The following ROCK2 variants were observed in gnomAD, a reference collection of about 807,000 sequenced individuals.
ROCK2 encodes rho-associated protein kinase 2.
Under a neutral mutation model 195.1 loss-of-function variants are expected in ROCK2, and 61 were observed. That is an observed-to-expected ratio of 0.31 (90% confidence interval 0.25 to 0.39). The LOEUF is 0.39. ROCK2 is among the 10% of genes least tolerant of loss of function. The pLI, the probability that ROCK2 is intolerant of heterozygous loss-of-function variation, is 1.00. For synonymous variants in ROCK2, 504 were observed against 545.5 expected (o/e 0.92, Z 1.06); for missense variants, 1,109 against 1,637.4 (o/e 0.68, Z 5.57).
In ROCK2 at chr2:11,215,303, C is replaced by T. The variant is rs371986320; in HGVS notation, c.1689+18G>A. 1.2e-4 allele frequency: 184 copies of T among 1,557,324 alleles called. No individual in the cohort carries two copies. Among genetic ancestry groups the T allele is most frequent in the Middle Eastern group, 7.3e-4 (4 of 5,460 alleles). The stretch of plus-strand genomic sequence containing the variant: ...AAAATAAAACCCAGTATCTTTACTA[C>T]AAATTAGATCCACCTACTTGTCTCT... On this transcript the variant is annotated intron_variant, in intron 15 of 32. Transcript: ENST00000315872.
chr2:11,326,027 A>T (rs967314205), intron 1 of ROCK2, among the ~76,000 whole-genome samples: 7 of 152,186 alleles, frequency 4.6e-5, no homozygotes, highest in African/African-American at 1.7e-4. Context: ...GCAGATTTGG[A>T]GCAATAGGGG....
At chr2:11,238,280 A>G (rs1665297111) in intron 4 of ROCK2, among the ~76,000 whole-genome samples, 1 of 138,156 alleles carries the variant, frequency 7.2e-6, no homozygotes, top group Non-Finnish European at 1.5e-5. Context: ...TTAAATGATT[A>G]AAGGAAATAT....
chr2:11,228,770 C>T (rs1011602955), intron 5 of ROCK2, among the ~76,000 whole-genome samples: 3 of 152,080 alleles, frequency 2.0e-5, no homozygotes, highest in Non-Finnish European at 4.4e-5. Context: ...GAGACACACA[C>T]ACAGACAGAC....
intron 1 of ROCK2, among the ~76,000 whole-genome samples, chr2:11,336,726 A>G (rs1368643855): frequency 1.3e-5 from 2 of 152,232 alleles, no homozygotes; most frequent in Non-Finnish European, 2.9e-5. Flanking sequence ...AAAATGGTGC[A>G]GGATAGTCTG....
At position 11,192,520 on chromosome 2, in the gene ROCK2, G is replaced by C. The variant is rs527957824; in HGVS notation, c.3880C>G (p.Arg1294Gly). Residue 1294 changes from arginine to glycine, a missense_variant, in exon 31 of 33, where the codon CGC becomes GGC. Arg to Gly is a moderately radical substitution (Grantham distance 125, BLOSUM62 -2). Coordinates refer to ENST00000315872, the MANE Select transcript of ROCK2 (RefSeq NM_004850.5). This position sits in a 1 kb window ranked among gnomAD's most constrained non-coding sequence, Gnocchi z 5.0. ...MFKPPPALECRRCHIKCHKDH... is the reference protein window; with the variant it reads ...MFKPPPALECGRCHIKCHKDH... ...TTATGACACTTAATATGGCAACGGC[G>C]GCACTCCAAAGCAGGAGGAGGCTTA... is the stretch of plus-strand genomic sequence containing the variant. 1 of 1,613,992 alleles carries C rather than the reference G, an allele frequency of 6.2e-7. No homozygotes were observed. The highest frequency in any genetic ancestry group is 2.2e-5 in the East Asian group (1 of 44,874).
At chr2:11,325,719 A>G (rs1668529803) in intron 1 of ROCK2, among the ~76,000 whole-genome samples, 1 of 152,206 alleles carries the variant, frequency 6.6e-6, no homozygotes, top group East Asian at 1.9e-4. Context: ...ATAACAGGGT[A>G]AGTTTACATT....
At chr2:11,191,996 G>A (rs1663440774) in intron 32 of ROCK2, 152 bp downstream of exon 32, 1 of 567,954 alleles carries the variant, frequency 1.8e-6, no homozygotes. Context: ...AACATGACAT[G>A]CACATTAAGA....
At position 11,223,807 on chromosome 2, in the gene ROCK2, GT is replaced by G. The variant is rs1222260915; in HGVS notation, c.1007+514del. On this transcript the variant is annotated intron_variant, in intron 7 of 32. Transcript: ENST00000315872. The stretch of plus-strand genomic sequence containing the variant: ...TTTCTAGCTTATCTTTTGGGGGCAG[GT>G]TTTCACACCTTTGTTCATCTATTTT... Among the ~76,000 whole-genome samples the G allele has an allele frequency of 7.9e-5, 12 of 152,200 alleles. No individual in the cohort carries two copies. The East Asian group carries it at 2.3e-3, about 29-fold the overall frequency.
chr2:11,294,658 A>G (rs1014255674), intron 1 of ROCK2, among the ~76,000 whole-genome samples: 2 of 152,198 alleles, frequency 1.3e-5, no homozygotes, highest in African/African-American at 2.4e-5. Context: ...TGATGGGAAG[A>G]TATGAATCAA....
chr2:11,227,590 G>C (rs1217741396), intron 5 of ROCK2, among the ~76,000 whole-genome samples, 192 bp from the exon 6 acceptor site: 2 of 152,160 alleles, frequency 1.3e-5, no homozygotes, highest in Non-Finnish European at 2.9e-5. Context: ...TAAATTATGG[G>C]AGATAGGAAT....
intron 1 of ROCK2, among the ~76,000 whole-genome samples, chr2:11,341,377 G>A (rs1308251961): frequency 3.9e-5 from 6 of 152,132 alleles, no homozygotes; most frequent in Non-Finnish European, 7.4e-5. Context: ...CCTTTGAAAA[G>A]AAAATTTAAA....
chr2:11,257,668 T>A (rs1326986314), intron 3 of ROCK2, among the ~76,000 whole-genome samples: 3 of 151,298 alleles, frequency 2.0e-5, no homozygotes. Context: ...AACTGGTGAC[T>A]CGAATCATTA....
intron 32 of ROCK2, among the ~76,000 whole-genome samples, chr2:11,183,786 T>C (rs1663093032): frequency 6.6e-6 from 1 of 152,212 alleles, no homozygotes; most frequent in East Asian, 1.9e-4. Context: ...AGCTGCCTCA[T>C]GTAGCTGAAA....
intron 1 of ROCK2, among the ~76,000 whole-genome samples, chr2:11,299,355 T>C (rs1333066653): frequency 1.3e-5 from 2 of 151,550 alleles, no homozygotes; most frequent in African/African-American, 4.8e-5. Flanking sequence ...TCCAGTCAAA[T>C]ATTAATCAAA....
In ROCK2 at chr2:11,197,715, T is replaced by A; in HGVS notation, c.3100-10A>T. 1.3e-6 allele frequency: 2 copies of A among 1,522,992 alleles called. No individual in the cohort carries two copies. Among genetic ancestry groups the A allele is most frequent in the South Asian group, 2.7e-5 (2 of 72,896 alleles). 94.3% of individuals were successfully genotyped at this position (1,522,992 alleles called of 1,614,324 possible). On this transcript the variant is annotated splice_polypyrimidine_tract_variant and intron_variant, in intron 25 of 32. Coordinates refer to ENST00000315872, the MANE Select transcript of ROCK2 (RefSeq NM_004850.5). This position sits in a 1 kb window ranked among gnomAD's most constrained non-coding sequence, Gnocchi z 4.9. Reference sequence around the variant, plus strand: ...CCAACTTATTCACAGCCTTAAAAAATGTAAAAATAAATATAATACATAAAT... The same window carrying A: ...CCAACTTATTCACAGCCTTAAAAAAAGTAAAAATAAATATAATACATAAAT...
intron 3 of ROCK2, among the ~76,000 whole-genome samples, chr2:11,281,402 T>G (rs966280985): frequency 6.6e-6 from 1 of 152,106 alleles, no homozygotes; most frequent in Non-Finnish European, 1.5e-5. Flanking sequence ...TCCGAGGTAA[T>G]GCAATAACAC....
At chr2:11,218,795 T>C (rs1415692430) in intron 10 of ROCK2, among the ~76,000 whole-genome samples, 171 bp downstream of exon 10, 1 of 152,240 alleles carries the variant, frequency 6.6e-6, no homozygotes, top group Admixed American at 6.5e-5. Flanking sequence ...TGAATAATGA[T>C]ACTATTCACA....
intron 1 of ROCK2, among the ~76,000 whole-genome samples, chr2:11,297,365 CATA>C (rs1429922634): frequency 6.6e-6 from 1 of 151,876 alleles, no homozygotes; most frequent in Non-Finnish European, 1.5e-5. Flanking sequence ...ATTAATAACT[CATA>C]ATAAAATATA....
At chr2:11,227,621 C>T (rs1029328209) in intron 5 of ROCK2, among the ~76,000 whole-genome samples, 7 of 152,164 alleles carry the variant, frequency 4.6e-5, no homozygotes, top group Non-Finnish European at 7.4e-5. Flanking sequence ...CTCTAAAATA[C>T]AGGAGGCTTC....
Sources: gnomAD v4.1 joint callset for allele counts (sites outside exome capture counted in the v4.1 genomes callset) on GRCh38, gnomAD v4.1.1 for gene constraint, Gnocchi (gnomAD v3.1) non-coding constraint, MANE v1.5 for transcripts, NCBI Gene and HGNC (gene_info 2026-07-23, HGNC 2026-07-21) for gene names.